XYLT1: variants seen among roughly 807,000 people sequenced by gnomAD.
The protein encoded by XYLT1 is xylosyltransferase 1, also known as beta-D-xylosyltransferase 1.
A neutral mutation model predicts 91.3 loss-of-function variants in XYLT1; 36 were observed. That is an observed-to-expected ratio of 0.39 (90% CI 0.30 to 0.52). The LOEUF (loss-of-function observed/expected upper bound fraction) is 0.52. Ranked by LOEUF, XYLT1 falls within the 20% of genes least tolerant of loss-of-function variation. The pLI, the probability that XYLT1 is intolerant of heterozygous loss-of-function variation, is 0.68. For missense variants in XYLT1, 1,242 were observed against 1,284.5 expected, an observed-to-expected ratio of 0.97 and a Z score of 0.51; for synonymous variants, 588 against 532.0, an observed-to-expected ratio of 1.11 and a Z score of -1.45.
chr16:17,107,644 T>G lies in XYLT1; in HGVS notation c.*1051A>C, dbSNP rs1966796078. Reference sequence around the variant, plus strand: ...AGCACCGGTGTGCAATTGACGAAGGTTTTGTGTGTCTGACCTCAGAACGGA... The same window carrying G: ...AGCACCGGTGTGCAATTGACGAAGGGTTTGTGTGTCTGACCTCAGAACGGA... On this transcript the variant is annotated 3_prime_UTR_variant, in exon 12 of 12. Coordinates refer to ENST00000261381, the MANE Select transcript of XYLT1 (RefSeq NM_022166.4). 6.6e-6 allele frequency: 1 copy of G among 152,660 alleles called. No individual in the cohort carries two copies. Among genetic ancestry groups the G allele is most frequent in the Admixed American group, 6.5e-5 (1 of 15,276 alleles). The allele number at this position is 152,660 out of a possible 1,614,324, so 9.5% of individuals were successfully genotyped here. A position where few individuals can be genotyped will look rare whatever the true frequency, so the allele number is the denominator to read the frequency against.
At chr16:17,118,923 A>G (rs748436271) in intron 10 of XYLT1, among the ~76,000 whole-genome samples, 44 of 152,124 alleles carry the variant, frequency 2.9e-4, no homozygotes, top group Non-Finnish European at 4.4e-4. Flanking sequence ...TTGCACAGCC[A>G]GCCCCTTATG....
rs936352 is a variant in XYLT1, at chr16:17,198,027, C to A, written c.1289+185G>T. On this transcript the variant is annotated intron_variant, in intron 5 of 11. Coordinates refer to ENST00000261381, the MANE Select transcript of XYLT1 (RefSeq NM_022166.4). ...GCTGGGAAAACCACGTGCTCAGTCT[C>A]TATCTGTTGAATGCATGAATGAATG... is the stretch of plus-strand genomic sequence containing the variant. The A allele has an allele frequency of 1.8e-5, 12 of 670,760 alleles. 1 individual carries two copies. The highest frequency in any genetic ancestry group is 1.3e-4 in the South Asian group (7 of 52,414). The allele number at this position is 670,760 out of a possible 1,614,324, so 41.6% of individuals were successfully genotyped here.
chr16:17,116,466 CTA>C (rs1038005628), intron 11 of XYLT1, among the ~76,000 whole-genome samples: 2 of 152,208 alleles, frequency 1.3e-5, no homozygotes, highest in African/African-American at 2.4e-5. Context: ...CCCCTCAACA[CTA>C]TGTTTTAGGG....
At chr16:17,447,426 A>T (rs964913594) in intron 1 of XYLT1, among the ~76,000 whole-genome samples, 8 of 152,256 alleles carry the variant, frequency 5.3e-5, no homozygotes, top group African/African-American at 1.9e-4. Context: ...AGGCTCTGGG[A>T]CAAATCCCAC....
chr16:17,149,103 G>A (rs1224772900), intron 6 of XYLT1, among the ~76,000 whole-genome samples: 1 of 152,150 alleles, frequency 6.6e-6, no homozygotes, highest in Non-Finnish European at 1.5e-5. Context: ...TCAGACAGAG[G>A]GTGGGAAGAA....
At chr16:17,220,317 A>T (rs1349341171) in intron 3 of XYLT1, among the ~76,000 whole-genome samples, 1 of 152,116 alleles carries the variant, frequency 6.6e-6, no homozygotes, top group East Asian at 1.9e-4. Flanking sequence ...TGCCATTTAA[A>T]AAAAAAATAT....
intron 10 of XYLT1, among the ~76,000 whole-genome samples, chr16:17,123,028 CT>C (rs1466602979): frequency 6.6e-6 from 1 of 152,120 alleles, no homozygotes; most frequent in African/African-American, 2.4e-5. Flanking sequence ...CAGATTTGTT[CT>C]TTTTGCTTAG....
chr16:17,247,988 C>T (rs146108056), intron 3 of XYLT1, among the ~76,000 whole-genome samples: 3,234 of 152,244 alleles, frequency 0.021, 109 homozygotes, highest in Admixed American at 0.1. Context: ...ACCTGCCCCC[C>T]AGTCCCAGCC....
chr16:17,195,934 GAAC>G (rs1289477159), intron 5 of XYLT1, among the ~76,000 whole-genome samples: 3 of 152,170 alleles, frequency 2.0e-5, no homozygotes, highest in Non-Finnish European at 2.9e-5. Flanking sequence ...AATGTTTGTT[GAAC>G]AAATGAACAA....
At chr16:17,128,961 G>A (rs1007769946) in intron 9 of XYLT1, among the ~76,000 whole-genome samples, 57 of 150,942 alleles carry the variant, frequency 3.8e-4, no homozygotes, top group Non-Finnish European at 6.8e-4. Flanking sequence ...GTCCTGATCT[G>A]GAGTTTTAAG....
Position 17,310,721 on chromosome 16 carries a change from C to T in XYLT1, c.402+47291G>A, listed in dbSNP as rs143400651. Among the ~76,000 whole-genome samples the T allele has an allele frequency of 1.9e-3, 282 of 152,234 alleles. 1 individual carries two copies. Among genetic ancestry groups the T allele is most frequent in the African/African-American group, 6.4e-3 (265 of 41,550 alleles). On this transcript the variant is annotated intron_variant, in intron 2 of 11. Coordinates refer to ENST00000261381, the MANE Select transcript of XYLT1 (RefSeq NM_022166.4). ...AAAATTAGCCAGGCGTGGTGGCACA[C>T]ACCTGAAATCCTAGCTACTAGGGAG...
At chr16:17,206,218 C>A (rs1412812262) in intron 3 of XYLT1, among the ~76,000 whole-genome samples, 1 of 152,068 alleles carries the variant, frequency 6.6e-6, no homozygotes, top group Non-Finnish European at 1.5e-5. Flanking sequence ...CGGCAGCAGG[C>A]GCGTTGCAGA....
At chr16:17,117,558 T>G in intron 11 of XYLT1, 88 bp downstream of exon 11, 1 of 1,402,096 alleles carries the variant, frequency 7.1e-7, no homozygotes, top group Non-Finnish European at 9.7e-7. Context: ...TTACCCTATG[T>G]CTGAGCAGTG....
intron 1 of XYLT1, among the ~76,000 whole-genome samples, chr16:17,467,158 C>A (rs1326855197): frequency 6.6e-6 from 1 of 152,046 alleles, no homozygotes. Context: ...TTATGTAGGG[C>A]GGCAGGCGGG....
chr16:17,295,619 G>A (rs2034298365), intron 2 of XYLT1, among the ~76,000 whole-genome samples: 1 of 152,190 alleles, frequency 6.6e-6, no homozygotes, highest in Non-Finnish European at 1.5e-5. Flanking sequence ...ACCTCCCAAA[G>A]TCCTGGGATT....
At chr16:17,136,860 G>A (rs1399615465) in intron 8 of XYLT1, among the ~76,000 whole-genome samples, 1 of 152,100 alleles carries the variant, frequency 6.6e-6, no homozygotes, top group Non-Finnish European at 1.5e-5. Context: ...GCCGGGCTAG[G>A]ATACAAATGC....
chr16:17,295,168 G>C (rs368025284), intron 2 of XYLT1, among the ~76,000 whole-genome samples: 2 of 152,086 alleles, frequency 1.3e-5, no homozygotes, highest in African/African-American at 4.8e-5. Flanking sequence ...AAAGCATTTC[G>C]GGGACAGGGA....
intron 9 of XYLT1, among the ~76,000 whole-genome samples, chr16:17,129,414 A>C (rs2030388119): frequency 6.6e-6 from 1 of 152,136 alleles, no homozygotes; most frequent in Non-Finnish European, 1.5e-5. Context: ...GGCATCAGCC[A>C]CCATGCCCGG....
At chr16:17,161,086 C>T (rs1267828500) in intron 5 of XYLT1, among the ~76,000 whole-genome samples, 1 of 152,164 alleles carries the variant, frequency 6.6e-6, no homozygotes, top group East Asian at 1.9e-4. Flanking sequence ...CTCCTGGGCC[C>T]CCTTCTCGTG....
Sources: allele counts gnomAD v4.1 joint callset (sites outside exome capture counted in the v4.1 genomes callset), GRCh38; gene constraint gnomAD v4.1.1; transcripts MANE v1.5; gene names NCBI Gene and HGNC (gene_info 2026-07-23, HGNC 2026-07-21).